The following ANO3 variants were observed in gnomAD, a reference collection of about 807,000 sequenced individuals.
ANO3 encodes the protein anoctamin-3.
ANO3 carries 99 observed loss-of-function variants against 144.8 expected under a neutral mutation model. The observed-to-expected ratio is 0.68, with a 90% CI of 0.58 to 0.81. ANO3 has a LOEUF of 0.81. ANO3 is among the 30% of genes least tolerant of loss of function. The pLI, the probability that ANO3 is intolerant of heterozygous loss-of-function variation, is 0.00. For missense variants in ANO3, 905 were observed against 1,202.2 expected (o/e 0.75, Z 3.66); for synonymous variants, 414 against 392.6 (o/e 1.05, Z -0.64).
intron 14 of ANO3, among the ~76,000 whole-genome samples, chr11:26,577,488 G>A (rs892771971): frequency 4.0e-5 from 6 of 151,564 alleles, no homozygotes; most frequent in Non-Finnish European, 8.8e-5. Flanking sequence ...GCTTGAACCC[G>A]GGAGGCAGAG....
intron 1 of ANO3, among the ~76,000 whole-genome samples, chr11:26,428,828 A>G (rs754851062): frequency 1.3e-5 from 2 of 152,136 alleles, no homozygotes; most frequent in Non-Finnish European, 2.9e-5. Flanking sequence ...GTTTAATATA[A>G]TTGTTAACTG....
intron 1 of ANO3, among the ~76,000 whole-genome samples, chr11:26,283,794 C>T (rs1252704585): frequency 1.3e-5 from 2 of 152,062 alleles, no homozygotes; most frequent in East Asian, 3.9e-4. Context: ...TAATAAGCCA[C>T]CAAACATATA....
At chr11:26,443,699 C>T (rs377649744) in intron 2 of ANO3, 66 bp from the exon 3 acceptor site, 2 of 858,444 alleles carry the variant, frequency 2.3e-6, no homozygotes, top group African/African-American at 1.7e-5. Flanking sequence ...CATCTATAAC[C>T]ATGGTTATTT....
intron 4 of ANO3, among the ~76,000 whole-genome samples, chr11:26,471,472 TCC>T (rs1355035736): frequency 6.6e-6 from 1 of 151,978 alleles, no homozygotes; most frequent in Non-Finnish European, 1.5e-5. Flanking sequence ...AAGTTTCTAT[TCC>T]TTAGGATCAA....
chr11:26,488,271 C>T (rs965678181), intron 4 of ANO3, among the ~76,000 whole-genome samples: 2 of 152,172 alleles, frequency 1.3e-5, no homozygotes, highest in Non-Finnish European at 2.9e-5. Flanking sequence ...AAGAAAACCC[C>T]ATTTTTTGAG....
intron 1 of ANO3, among the ~76,000 whole-genome samples, chr11:26,418,249 G>A (rs1261882681): frequency 6.6e-6 from 1 of 152,070 alleles, no homozygotes; most frequent in South Asian, 2.1e-4. Flanking sequence ...GCTTAGACTA[G>A]TCAGGGTATG....
intron 1 of ANO3, among the ~76,000 whole-genome samples, chr11:26,342,286 C>T (rs1470802664): frequency 5.3e-5 from 8 of 152,046 alleles, no homozygotes; most frequent in Non-Finnish European, 8.8e-5. Flanking sequence ...ATGTTTGTGT[C>T]GCCTCCAAAA....
chr11:26,596,973 A>G (rs1851648992), intron 14 of ANO3, among the ~76,000 whole-genome samples: 1 of 152,196 alleles, frequency 6.6e-6, no homozygotes, highest in Non-Finnish European at 1.5e-5. Flanking sequence ...GGGTTGTTAG[A>G]AAGCTTTTTC....
intron 17 of ANO3, among the ~76,000 whole-genome samples, chr11:26,623,323 A>T (rs1165107509): frequency 6.6e-6 from 1 of 152,246 alleles, no homozygotes; most frequent in East Asian, 1.9e-4. Context: ...TTTCGTGCCA[A>T]CAGGGAAGGT....
At chr11:26,613,156 T>C (rs561337906) in intron 17 of ANO3, among the ~76,000 whole-genome samples, 163 of 152,312 alleles carry the variant, frequency 1.1e-3, no homozygotes, top group Non-Finnish European at 1.9e-3. Context: ...CTTAATGGTG[T>C]TTCATAAGTC....
At position 26,452,165 on chromosome 11, in the gene ANO3, A is replaced by C. The variant is rs1019857309; in HGVS notation, c.313+8329A>C. Among the ~76,000 whole-genome samples the C allele has an allele frequency of 1.3e-3, 191 of 152,324 alleles. 4 individuals are homozygous for C. The highest frequency in any genetic ancestry group is 5.7e-4 in the Non-Finnish European group (39 of 68,034). On this transcript the variant is annotated intron_variant, in intron 3 of 26. Coordinates refer to ENST00000256737, the MANE Select transcript of ANO3 (RefSeq NM_031418.4). The stretch of plus-strand genomic sequence containing the variant: ...GAGCAGAAAAACTGGAAACTCTAAA[A>C]AGCAGAGCACCTCTCCTGCTCCAAA...
intron 14 of ANO3, among the ~76,000 whole-genome samples, chr11:26,573,950 C>T (rs1406555035): frequency 1.3e-5 from 2 of 152,170 alleles, no homozygotes; most frequent in Non-Finnish European, 2.9e-5. Flanking sequence ...AAAGTAATTT[C>T]TAGCCAAACA....
At chr11:26,474,220 T>C (rs2134075834) in intron 4 of ANO3, 1 of 473,790 alleles carries the variant, frequency 2.1e-6, no homozygotes, top group South Asian at 9.0e-5. Context: ...GAAATTAATA[T>C]TGATTTCAGA....
At chr11:26,193,134 A>AT in intron 1 of ANO3, among the ~76,000 whole-genome samples, 1 of 105,738 alleles carries the variant, frequency 9.5e-6, no homozygotes, top group Non-Finnish European at 1.9e-5. Context: ...GATTTTGCCT[A>AT]TCTTTTTTTT....
intron 18 of ANO3, among the ~76,000 whole-genome samples, chr11:26,627,112 C>CTT (rs1335814704): frequency 1.4e-5 from 2 of 147,432 alleles, no homozygotes; most frequent in Non-Finnish European, 3.1e-5. Flanking sequence ...TTCTTAAATT[C>CTT]TTTTATATAT....
At chr11:26,523,371 A>T (rs147982361) in intron 6 of ANO3, among the ~76,000 whole-genome samples, 6 of 152,176 alleles carry the variant, frequency 3.9e-5, no homozygotes, top group South Asian at 4.1e-4. Context: ...AAAACCTCTC[A>T]TATCTTTTTG....
chr11:26,454,062 G>A (rs897771321), intron 3 of ANO3, among the ~76,000 whole-genome samples: 3 of 152,000 alleles, frequency 2.0e-5, no homozygotes, highest in Admixed American at 6.6e-5. Flanking sequence ...GAATCTCTGG[G>A]ACACATTCAA....
At chr11:26,639,581 G>A (rs1406252818) in intron 21 of ANO3, among the ~76,000 whole-genome samples, 3 of 152,242 alleles carry the variant, frequency 2.0e-5, no homozygotes, top group East Asian at 1.9e-4. Context: ...ATTTTCCGGG[G>A]TGTTTCTTTT....
chr11:26,416,762 T>G (rs1213366541), intron 1 of ANO3, among the ~76,000 whole-genome samples: 1 of 152,024 alleles, frequency 6.6e-6, no homozygotes, highest in Non-Finnish European at 1.5e-5. Context: ...GAAACTGAAC[T>G]CTACTTAAGA....
Sources: allele counts gnomAD v4.1 joint callset (sites outside exome capture counted in the v4.1 genomes callset), GRCh38; gene constraint gnomAD v4.1.1; transcripts MANE v1.5; gene names NCBI Gene and HGNC (gene_info 2026-07-23, HGNC 2026-07-21).